LRMDA: variants seen among roughly 807,000 people sequenced by gnomAD.
LRMDA encodes leucine-rich melanocyte differentiation-associated protein.
LRMDA carries 18 observed loss-of-function variants against 29.8 expected under a neutral mutation model. The ratio of observed to expected loss-of-function variants is 0.60; its 90% CI spans 0.42 to 0.90. The LOEUF (loss-of-function observed/expected upper bound fraction) is 0.90. LRMDA is among the 40% of genes least tolerant of loss of function. The pLI is 0.00. For synonymous variants in LRMDA, 125 were observed against 109.4 expected (o/e 1.14, Z -0.89); for missense variants, 273 against 273.9 (o/e 1.00, Z 0.02).
chr10:75,563,276 C>T (rs1016345321), intron 2 of LRMDA, among the ~76,000 whole-genome samples: 2 of 152,022 alleles, frequency 1.3e-5, no homozygotes, highest in Admixed American at 6.6e-5. Flanking sequence ...TCATTTCATT[C>T]ATTTCATCTT....
At chr10:75,565,249 G>A (rs1229578141) in intron 2 of LRMDA, among the ~76,000 whole-genome samples, 1 of 152,188 alleles carries the variant, frequency 6.6e-6, no homozygotes, top group South Asian at 2.1e-4. Context: ...CCTAGGTTGT[G>A]TCAAGATTCC....
intron 2 of LRMDA, among the ~76,000 whole-genome samples, chr10:75,746,831 G>C (rs1037371840): frequency 2.0e-5 from 3 of 152,130 alleles, no homozygotes; most frequent in Non-Finnish European, 2.9e-5. Flanking sequence ...TATTATATTA[G>C]AGTTGAAAAC....
chr10:76,516,836 A>C (rs546319761), intron 6 of LRMDA, among the ~76,000 whole-genome samples: 4 of 152,340 alleles, frequency 2.6e-5, no homozygotes, highest in South Asian at 2.1e-4. Context: ...AGCATGATTT[A>C]TAATCCTTTG....
intron 5 of LRMDA, among the ~76,000 whole-genome samples, chr10:76,164,379 G>C (rs367800361): frequency 1.3e-5 from 2 of 152,198 alleles, no homozygotes; most frequent in Non-Finnish European, 2.9e-5. Context: ...CCAATGAGTA[G>C]TCTCGAGAAA....
intron 2 of LRMDA, among the ~76,000 whole-genome samples, chr10:75,525,592 C>CTTTTTTTTTTTTTTTTTTTTTTTTT (rs11415547): frequency 7.7e-6 from 1 of 129,714 alleles, no homozygotes; most frequent in Non-Finnish European, 1.6e-5. Context: ...TTCTTTCTTT[C>CTTTTTTTTTTTTTTTTTTTTTTTTT]TTTTTTTTTT....
chr10:76,240,179 TACACACACACACACCAC>T (rs1021477810), intron 5 of LRMDA, among the ~76,000 whole-genome samples: 12 of 148,552 alleles, frequency 8.1e-5, no homozygotes, highest in Admixed American at 1.3e-4. Context: ...CAAAATCGCA[TACACACACACACACCAC>T]ACACACACAC....
At chr10:76,023,637 C>T (rs1373870983) in intron 2 of LRMDA, among the ~76,000 whole-genome samples, 1 of 152,190 alleles carries the variant, frequency 6.6e-6, no homozygotes, top group Non-Finnish European at 1.5e-5. Flanking sequence ...TACAGTGAGG[C>T]CCACAGGAGG....
At chr10:76,363,116 GGAAAGAAAGAAA>G (rs1192417224) in intron 6 of LRMDA, among the ~76,000 whole-genome samples, 918 of 51,436 alleles carry the variant, frequency 0.018, 23 homozygotes, top group Non-Finnish European at 0.027. Context: ...TGTGGAGTAA[GGAAAGAAAGAAA>G]GAAAGAAAGA....
chr10:75,431,997 T>A (rs1403040979), intron 1 of LRMDA, among the ~76,000 whole-genome samples: 1 of 152,178 alleles, frequency 6.6e-6, no homozygotes, highest in Non-Finnish European at 1.5e-5. Context: ...TCTCCCCACT[T>A]CCTTCTGCCC....
chr10:75,533,290 G>T (rs1401824008), intron 2 of LRMDA, among the ~76,000 whole-genome samples: 1 of 152,118 alleles, frequency 6.6e-6, no homozygotes, highest in Non-Finnish European at 1.5e-5. Flanking sequence ...CCCTTAAAAT[G>T]GACTCCTCAT....
chr10:75,453,387 T>C (rs1169148847), intron 2 of LRMDA, among the ~76,000 whole-genome samples: 3 of 152,230 alleles, frequency 2.0e-5, no homozygotes, highest in African/African-American at 7.2e-5. Context: ...AGGAAGCTTC[T>C]TTTCATTTTT....
At chr10:76,333,960 A>G (rs1189636847) in intron 6 of LRMDA, among the ~76,000 whole-genome samples, 2 of 152,140 alleles carry the variant, frequency 1.3e-5, no homozygotes, top group Non-Finnish European at 2.9e-5. Context: ...GTTCATCCTC[A>G]TCACAGGATT....
chr10:76,327,846 T>C (rs1170255163), intron 6 of LRMDA, among the ~76,000 whole-genome samples: 2 of 152,238 alleles, frequency 1.3e-5, no homozygotes, highest in African/African-American at 4.8e-5. Flanking sequence ...GTCATATGTG[T>C]TCATTCATTA....
At chr10:75,743,701 T>C (rs986733038) in intron 2 of LRMDA, 1 of 152,184 alleles carries the variant, frequency 6.6e-6, no homozygotes, top group African/African-American at 2.4e-5. Context: ...GGCAAACGTT[T>C]AGAGAAGGAA....
intron 6 of LRMDA, chr10:76,556,348 GTTTTTGTT>G (rs771218709): frequency 1.3e-5 from 2 of 151,674 alleles, no homozygotes; most frequent in Non-Finnish European, 2.9e-5. Context: ...GTTTTTTTTT[GTTTTTGTT>G]TTTTTGTTTT....
At chr10:76,351,685 G>A (rs993163393) in intron 6 of LRMDA, among the ~76,000 whole-genome samples, 1 of 151,592 alleles carries the variant, frequency 6.6e-6, no homozygotes, top group South Asian at 2.1e-4. Context: ...AACAAGCCCC[G>A]GTGATTCTTA....
In LRMDA at chr10:75,570,096, G is replaced by T. The variant is rs1840419800; in HGVS notation, c.131+131602G>T. ...TTTTGCACTCATGGCCCAATAGCTG[G>T]AACACCAATGAGGAAAGCCAGGCAT... is the stretch of plus-strand genomic sequence containing the variant. On this transcript the variant is annotated intron_variant, in intron 2 of 6. Transcript: ENST00000611255. Among the ~76,000 whole-genome samples the T allele has an allele frequency of 1.3e-5, 2 of 152,166 alleles. 1 individual carries two copies. The highest frequency in any genetic ancestry group is 1.3e-4 in the Admixed American group (2 of 15,272).
chr10:75,568,796 T>C (rs1840402841), intron 2 of LRMDA, among the ~76,000 whole-genome samples: 1 of 152,248 alleles, frequency 6.6e-6, no homozygotes, highest in Admixed American at 6.5e-5. Flanking sequence ...TAAGTTCCTT[T>C]CAATTGGCCT....
chr10:75,536,082 C>T lies in LRMDA; in HGVS notation c.131+97588C>T, dbSNP rs1272753782. ...TGTCATTCTGCCTCAGCCATGCCGC[C>T]GTCGCTCTGTTCCTCTCCCACCCAG... On this transcript the variant is annotated intron_variant, in intron 2 of 6. Coordinates refer to ENST00000611255, the MANE Select transcript of LRMDA (RefSeq NM_001305581.2). Among the ~76,000 whole-genome samples, 12 of 152,124 alleles carry T rather than the reference C, an allele frequency of 7.9e-5. No homozygotes were observed. The South Asian group carries it at 1.0e-3, about 13-fold the overall frequency.
Sources: gnomAD v4.1 joint callset for allele counts (sites outside exome capture counted in the v4.1 genomes callset) on GRCh38, gnomAD v4.1.1 for gene constraint, MANE v1.5 for transcripts, NCBI Gene and HGNC (gene_info 2026-07-23, HGNC 2026-07-21) for gene names.